Variants in USH2A observed in about 807,000 individuals in gnomAD.
USH2A encodes usherin.
USH2A carries 443 observed loss-of-function variants against 538.9 expected under a neutral mutation model. The ratio of observed to expected loss-of-function variants is 0.82; its 90% CI spans 0.76 to 0.89. USH2A has a LOEUF of 0.89. Ranked by LOEUF, USH2A falls within the 40% of genes least tolerant of loss-of-function variation. The pLI, the probability that USH2A is intolerant of heterozygous loss-of-function variation, is 0.00. For synonymous variants in USH2A, 2,413 were observed against 2,273.5 expected (o/e 1.06, Z -1.75); for missense variants, 6,633 against 6,324.8 (o/e 1.05, Z -1.65).
At chr1:215,959,276 T>A (rs1337425576) in intron 37 of USH2A, among the ~76,000 whole-genome samples, 1 of 152,100 alleles carries the variant, frequency 6.6e-6, no homozygotes, top group Non-Finnish European at 1.5e-5. Flanking sequence ...TTTAAAAACA[T>A]TCTTAAATAC....
chr1:216,326,314 A>G (rs1434594028), intron 5 of USH2A, among the ~76,000 whole-genome samples: 1 of 152,184 alleles, frequency 6.6e-6, no homozygotes, highest in Non-Finnish European at 1.5e-5. Flanking sequence ...CATTTCAGGT[A>G]GGCCAAAATT....
At chr1:216,011,924 T>C (rs1291350824) in intron 32 of USH2A, among the ~76,000 whole-genome samples, 1 of 143,760 alleles carries the variant, frequency 7.0e-6, no homozygotes, top group East Asian at 2.1e-4. Context: ...ATTCACCCCA[T>C]TTCCCCATAT....
chr1:216,194,904 G>T (rs546806563), intron 19 of USH2A, among the ~76,000 whole-genome samples: 3 of 152,208 alleles, frequency 2.0e-5, no homozygotes, highest in South Asian at 4.1e-4. Flanking sequence ...GAGCCACTTG[G>T]GACATAACAT....
rs376300286 is a variant in USH2A, at chr1:215,743,414, G to A, written c.11390-79C>T. 0.023 allele frequency: 8,893 copies of A among 390,336 alleles called. 831 individuals are homozygous for A. The highest frequency in any genetic ancestry group is 0.077 in the African/African-American group (2,834 of 36,966). The allele number at this position is 390,336 out of a possible 1,614,324, so 24.2% of individuals were successfully genotyped here. ...TGTGTGTGTGTGTGTGTGTGTGTGT[G>A]TGTATATATATATAGACACACATAT... On this transcript the variant is annotated intron_variant, in intron 58 of 71. Coordinates refer to ENST00000307340, the MANE Select transcript of USH2A (RefSeq NM_206933.4).
At chr1:216,387,635 G>A (rs185830528) in intron 3 of USH2A, among the ~76,000 whole-genome samples, 11 of 152,158 alleles carry the variant, frequency 7.2e-5, no homozygotes, top group African/African-American at 1.7e-4. Flanking sequence ...ATATATCGGC[G>A]GTGTAGTGAT....
At chr1:216,147,166 T>C (rs1307454057) in intron 21 of USH2A, among the ~76,000 whole-genome samples, 2 of 151,924 alleles carry the variant, frequency 1.3e-5, no homozygotes, top group Admixed American at 1.3e-4. Context: ...CAAGCATCGC[T>C]GAGTCTTTCT....
At chr1:216,328,145 G>GA (rs1347120357) in intron 4 of USH2A, among the ~76,000 whole-genome samples, 2 of 152,100 alleles carry the variant, frequency 1.3e-5, no homozygotes, top group African/African-American at 2.4e-5. Context: ...GTCTGTTCTA[G>GA]AAAATCTCCA....
chr1:216,066,503 A>T lies in USH2A; in HGVS notation c.6049+3598T>A, dbSNP rs74143929. Among the ~76,000 whole-genome samples, 366 of 152,098 alleles carry T rather than the reference A, an allele frequency of 2.4e-3. 2 individuals are homozygous for T. The highest frequency in any genetic ancestry group is 8.3e-3 in the African/African-American group (346 of 41,482). On this transcript the variant is annotated intron_variant, in intron 30 of 71. Transcript: ENST00000307340. The stretch of plus-strand genomic sequence containing the variant: ...ATAATAATAATAATAATTGCTATCC[A>T]TTTCTTGAGAAATTACCAAGCATTA...
chr1:216,285,502 T>A (rs546438888), intron 11 of USH2A, among the ~76,000 whole-genome samples: 11 of 152,264 alleles, frequency 7.2e-5, no homozygotes, highest in South Asian at 6.2e-4. Flanking sequence ...CCCTAATGAA[T>A]GAAGTACCTC....
At position 215,741,555 on chromosome 1, in the gene USH2A, T is replaced by C. The variant is rs1660306283; in HGVS notation, c.11549-18A>G. On this transcript the variant is annotated intron_variant, in intron 59 of 71. Transcript: ENST00000307340. ...ACAACTTCCTTGAAAAAAAAAAAATTGAGGTCTTTATTATTTTTCAAGCAA... is the reference window on the plus strand; with the variant it reads ...ACAACTTCCTTGAAAAAAAAAAAATCGAGGTCTTTATTATTTTTCAAGCAA... 2 of 1,609,578 alleles carry C rather than the reference T, an allele frequency of 1.2e-6. No homozygotes were observed. Among genetic ancestry groups the C allele is most frequent in the Non-Finnish European group, 1.7e-6 (2 of 1,178,246 alleles).
At chr1:215,749,983 C>T (rs893103038) in intron 58 of USH2A, among the ~76,000 whole-genome samples, 2 of 151,964 alleles carry the variant, frequency 1.3e-5, no homozygotes, top group African/African-American at 4.8e-5. Context: ...AATTATTCAA[C>T]TATTTTTCTC....
chr1:216,323,602 T>C lies in USH2A; in HGVS notation c.1422A>G (p.Pro474=), dbSNP rs2102653167. The change falls in exon 8 of 72, where the codon CCA becomes CCG. Residue 474 remains proline, a synonymous_variant. Transcript: ENST00000307340. ...RPGYNNFYNT[P]SLQEFVKATQ... ...TGGCTTTTACGAACTCTTGAAGAGA[T>C]GGGGTATTATAGAAGTTATTGTATC... is the stretch of plus-strand genomic sequence containing the variant. 6.2e-7 allele frequency: 1 copy of C among 1,613,496 alleles called. No individual in the cohort carries two copies. The highest frequency in any genetic ancestry group is 1.3e-5 in the African/African-American group (1 of 74,964).
At chr1:215,862,060 G>A (rs369671070) in intron 44 of USH2A, among the ~76,000 whole-genome samples, 55 of 152,030 alleles carry the variant, frequency 3.6e-4, no homozygotes, top group South Asian at 3.5e-3. Flanking sequence ...GGATGGTCTC[G>A]ATCTCCTGAC....
chr1:216,024,736 TATAGCAGA>T (rs1254222049), intron 32 of USH2A, among the ~76,000 whole-genome samples: 1 of 152,004 alleles, frequency 6.6e-6, no homozygotes, highest in Non-Finnish European at 1.5e-5. Flanking sequence ...TGTGATGAGA[TATAGCAGA>T]TAGCGAGATG....
intron 37 of USH2A, among the ~76,000 whole-genome samples, chr1:215,963,446 C>T (rs1053248503): frequency 8.6e-5 from 13 of 152,000 alleles, no homozygotes; most frequent in African/African-American, 1.9e-4. Flanking sequence ...GAACCCGTAC[C>T]GCAAAAATTC....
chr1:215,885,799 G>A lies in USH2A; in HGVS notation c.8223+2627C>T, dbSNP rs371734242. Among the ~76,000 whole-genome samples the A allele has an allele frequency of 3.9e-5, 6 of 152,162 alleles. No individual in the cohort carries two copies. In the South Asian group the frequency reaches 1.0e-3, roughly 26 times the overall value. ...TAATTCTTACAGGTGGCATTGTATG[G>A]AGAAAAAAACCACATTGCACAAAAT... is the stretch of plus-strand genomic sequence containing the variant. On this transcript the variant is annotated intron_variant, in intron 41 of 71. Coordinates refer to ENST00000307340, the MANE Select transcript of USH2A (RefSeq NM_206933.4).
At chr1:216,162,567 C>T (rs1008369869) in intron 21 of USH2A, among the ~76,000 whole-genome samples, 2 of 152,040 alleles carry the variant, frequency 1.3e-5, no homozygotes, top group African/African-American at 2.4e-5. Flanking sequence ...TCTGTTTTGA[C>T]GGGAAGTAAA....
Position 216,068,449 on chromosome 1 carries a change from A to C in USH2A, c.6049+1652T>G, listed in dbSNP as rs542532902. Among the ~76,000 whole-genome samples, 4 of 152,262 alleles carry C rather than the reference A, an allele frequency of 2.6e-5. No individual in the cohort carries two copies. In the South Asian group the frequency reaches 8.3e-4, roughly 32 times the overall value. On this transcript the variant is annotated intron_variant, in intron 30 of 71. Coordinates refer to ENST00000307340, the MANE Select transcript of USH2A (RefSeq NM_206933.4). ...TATCTGGGGGCTTGTTAAAACAAGG[A>C]CTGCTGAGCCACACTGCAGAGTGTC...
At chr1:215,763,675 G>A (rs933823685) in intron 56 of USH2A, among the ~76,000 whole-genome samples, 2 of 152,022 alleles carry the variant, frequency 1.3e-5, no homozygotes, top group African/African-American at 2.4e-5. Flanking sequence ...ACTTTATGGA[G>A]GTGAATAATA....
Sources: gnomAD v4.1 joint callset for allele counts (sites outside exome capture counted in the v4.1 genomes callset) on GRCh38, gnomAD v4.1.1 for gene constraint, MANE v1.5 for transcripts, NCBI Gene and HGNC (gene_info 2026-07-23, HGNC 2026-07-21) for gene names.